The following LRP1B variants were observed in gnomAD, a reference collection of about 807,000 sequenced individuals.
The protein encoded by LRP1B is LDL receptor related protein 1B.
LRP1B carries 217 observed loss-of-function variants against 556.6 expected under a neutral mutation model. The ratio of observed to expected loss-of-function variants is 0.39; its 90% confidence interval spans 0.35 to 0.44. The LOEUF is 0.44. Ranked by LOEUF, LRP1B falls within the 20% of genes least tolerant of loss-of-function variation. LRP1B has a pLI of 1.00. For synonymous variants in LRP1B, 2,047 were observed against 1,865.8 expected, an observed-to-expected ratio of 1.10 and a Z score of -2.50; for missense variants, 5,053 against 5,620.8, an observed-to-expected ratio of 0.90 and a Z score of 3.23.
At chr2:140,652,015 T>A (rs1012814393) in intron 41 of LRP1B, among the ~76,000 whole-genome samples, 2 of 152,114 alleles carry the variant, frequency 1.3e-5, no homozygotes, top group East Asian at 3.8e-4. Flanking sequence ...TTGCCTGATA[T>A]TTAAAGTTCA....
chr2:140,258,479 T>A (rs2104921262), intron 86 of LRP1B, among the ~76,000 whole-genome samples: 1 of 152,274 alleles, frequency 6.6e-6, no homozygotes, highest in South Asian at 2.1e-4. Context: ...ACCTTTCGTT[T>A]ATGCCAAAAT....
At chr2:141,987,410 T>C (rs1702225182) in intron 1 of LRP1B, among the ~76,000 whole-genome samples, 1 of 151,990 alleles carries the variant, frequency 6.6e-6, no homozygotes, top group East Asian at 1.9e-4. Context: ...AGTGCAAATT[T>C]CATAAATGTT....
intron 43 of LRP1B, among the ~76,000 whole-genome samples, chr2:140,544,876 T>C (rs1680269891): frequency 1.3e-5 from 2 of 152,276 alleles, no homozygotes; most frequent in South Asian, 2.1e-4. Context: ...TCTCTATTTT[T>C]AGGCCTTTGA....
chr2:140,581,961 G>A lies in LRP1B; in HGVS notation c.7194+16670C>T, dbSNP rs141520686. ...TTGTTTCCGTGTATCCCCTAATATCGGTAATATGAGTCCCATGTCTTGGAG... is the reference window on the plus strand; with the variant it reads ...TTGTTTCCGTGTATCCCCTAATATCAGTAATATGAGTCCCATGTCTTGGAG... On this transcript the variant is annotated intron_variant, in intron 43 of 90. Coordinates refer to ENST00000389484, the MANE Select transcript of LRP1B (RefSeq NM_018557.3). Among the ~76,000 whole-genome samples, 541 of 151,966 alleles carry A rather than the reference G, an allele frequency of 3.6e-3. 6 individuals carry two copies. The highest frequency in any genetic ancestry group is 0.013 in the African/African-American group (531 of 41,440).
chr2:141,992,653 T>C (rs945658940), intron 1 of LRP1B, among the ~76,000 whole-genome samples: 1 of 152,180 alleles, frequency 6.6e-6, no homozygotes, highest in African/African-American at 2.4e-5. Flanking sequence ...ATTGAAAACC[T>C]GCATTCTGCC....
rs1388208674 is a variant in LRP1B at position 140,868,655 on chromosome 2, T to C, written c.4170-392A>G. Reference sequence around the variant, plus strand: ...TAAGGCCCTAACAGGGAAAAGAATGTGGGCTATTTGAGGAACAGAAATAAG... The same window carrying C: ...TAAGGCCCTAACAGGGAAAAGAATGCGGGCTATTTGAGGAACAGAAATAAG... On this transcript the variant is annotated intron_variant, in intron 25 of 90. Coordinates refer to ENST00000389484, the MANE Select transcript of LRP1B (RefSeq NM_018557.3). Among the ~76,000 whole-genome samples the C allele has an allele frequency of 3.9e-5, 6 of 152,148 alleles. No homozygotes were observed. In the East Asian group the frequency reaches 1.2e-3, roughly 29 times the overall value.
chr2:141,356,110 T>C (rs976942862), intron 3 of LRP1B, among the ~76,000 whole-genome samples: 1 of 152,136 alleles, frequency 6.6e-6, no homozygotes, highest in Non-Finnish European at 1.5e-5. Flanking sequence ...CAGAAGCTAG[T>C]TTTGCAAAAA....
At chr2:141,329,440 C>T (rs563797709) in intron 3 of LRP1B, among the ~76,000 whole-genome samples, 10 of 149,286 alleles carry the variant, frequency 6.7e-5, no homozygotes, top group African/African-American at 2.0e-4. Context: ...GTCAGGAGAT[C>T]GAGACCATCC....
chr2:141,878,196 T>C (rs1288580103), intron 1 of LRP1B, among the ~76,000 whole-genome samples: 2 of 151,912 alleles, frequency 1.3e-5, no homozygotes. Context: ...GCTAGAGCTA[T>C]AGAGCACAAG....
chr2:141,994,020 G>C lies in LRP1B; in HGVS notation c.82+136628C>G, dbSNP rs931625992. 3.3e-5 allele frequency among the ~76,000 whole-genome samples: 5 copies of C among 152,000 alleles called. No homozygotes were observed. The East Asian group carries it at 9.7e-4, about 29-fold the overall frequency. The stretch of plus-strand genomic sequence containing the variant: ...CTTACTGCTCTTGACTTTGACAACT[G>C]ATTTGTTATAAGTCAAGATCCAAAA... On this transcript the variant is annotated intron_variant, in intron 1 of 90. Transcript: ENST00000389484.
chr2:141,680,349 G>C (rs1691058435), intron 2 of LRP1B, among the ~76,000 whole-genome samples: 1 of 152,034 alleles, frequency 6.6e-6, no homozygotes, highest in Admixed American at 6.6e-5. Flanking sequence ...AATATGTCTG[G>C]ATGATAATGA....
At chr2:140,551,015 A>G (rs960136942) in intron 43 of LRP1B, among the ~76,000 whole-genome samples, 1 of 152,102 alleles carries the variant, frequency 6.6e-6, no homozygotes, top group African/African-American at 2.4e-5. Flanking sequence ...AGGACACAGC[A>G]AGAAAGCAGC....
At chr2:140,296,501 T>C (rs1052216451) in intron 84 of LRP1B, among the ~76,000 whole-genome samples, 9 of 151,800 alleles carry the variant, frequency 5.9e-5, no homozygotes, top group African/African-American at 1.7e-4. Context: ...ATTCAGAAAA[T>C]AGGTTAAGCA....
intron 41 of LRP1B, among the ~76,000 whole-genome samples, chr2:140,689,133 G>A (rs1197888970): frequency 1.3e-5 from 2 of 152,152 alleles, no homozygotes; most frequent in Admixed American, 6.5e-5. Context: ...TATGGCCTGA[G>A]AAGAACTTCA....
At chr2:141,398,524 G>A (rs972672908) in intron 3 of LRP1B, among the ~76,000 whole-genome samples, 1 of 152,100 alleles carries the variant, frequency 6.6e-6, no homozygotes, top group Non-Finnish European at 1.5e-5. Flanking sequence ...GTCATTCTGT[G>A]AAGAAGACAC....
intron 41 of LRP1B, among the ~76,000 whole-genome samples, chr2:140,698,674 A>G (rs1686522106): frequency 1.3e-5 from 2 of 152,174 alleles, no homozygotes; most frequent in South Asian, 2.1e-4. Context: ...GCCTTTACAG[A>G]TAACTGAGTA....
intron 52 of LRP1B, among the ~76,000 whole-genome samples, chr2:140,507,699 A>T (rs1689478673): frequency 6.6e-6 from 1 of 152,208 alleles, no homozygotes; most frequent in African/African-American, 2.4e-5. Context: ...GACTCATTTA[A>T]ATATTTTCAG....
intron 2 of LRP1B, among the ~76,000 whole-genome samples, chr2:141,500,676 C>T (rs1574017969): frequency 2.6e-5 from 4 of 152,076 alleles, no homozygotes; most frequent in African/African-American, 7.2e-5. Context: ...AAGAGGGATT[C>T]GGTCAGTGGT....
intron 86 of LRP1B, among the ~76,000 whole-genome samples, chr2:140,264,510 T>C (rs1682097744): frequency 6.6e-6 from 1 of 152,132 alleles, no homozygotes; most frequent in Non-Finnish European, 1.5e-5. Flanking sequence ...CACCTCGGCA[T>C]CCCAAAGTGC....
Sources: allele counts gnomAD v4.1 joint callset (sites outside exome capture counted in the v4.1 genomes callset), GRCh38; gene constraint gnomAD v4.1.1; transcripts MANE v1.5; gene names NCBI Gene and HGNC (gene_info 2026-07-23, HGNC 2026-07-21).